The following RNF128 variants were observed in gnomAD, a reference collection of about 807,000 sequenced individuals.
The protein encoded by RNF128 is E3 ubiquitin-protein ligase RNF128.
Under a neutral mutation model 26.2 loss-of-function variants are expected in RNF128, and 13 were observed. The observed-to-expected ratio is 0.50, with a 90% confidence interval of 0.32 to 0.79. The LOEUF (loss-of-function observed/expected upper bound fraction) is 0.79. Ranked by LOEUF, RNF128 falls within the 30% of genes least tolerant of loss-of-function variation. RNF128 has a pLI of 0.03. For missense variants in RNF128, 315 were observed against 349.7 expected (o/e 0.90, Z 0.79); for synonymous variants, 149 against 142.5 (o/e 1.05, Z -0.32).
At position 106,773,083 on chromosome X, in the gene RNF128, A is replaced by G. The variant is rs761083830; in HGVS notation, c.655A>G (p.Thr219Ala). ...CGTTTCTGTGTCCTTTTTTATTATT[A>G]CGGCGGCAACTGTGGGCTATTTTAT... ...FFVSVSFFIITAATVGYFIFY... is the reference protein window; with the variant it reads ...FFVSVSFFIIAAATVGYFIFY... The change falls in exon 2 of 7, where the codon ACG (threonine) becomes GCG (alanine). Residue 219 changes from threonine (T) to alanine (A), a missense_variant. Thr to Ala is a moderately conservative substitution (Grantham distance 58). Coordinates refer to ENST00000255499, the MANE Select transcript of RNF128 (RefSeq NM_194463.2). 3 of 1,210,446 alleles carry G rather than the reference A, an allele frequency of 2.5e-6. No homozygotes were observed. Among genetic ancestry groups the G allele is most frequent in the South Asian group, 3.5e-5 (2 of 56,916 alleles).
intron 4 of RNF128, among the ~76,000 whole-genome samples, chrX:106,788,336 A>G (rs1318796105): frequency 3.7e-5 from 2 of 53,628 alleles, no homozygotes; most frequent in Non-Finnish European, 6.1e-5. Context: ...TATATATACT[A>G]TATATAATAT....
At chrX:106,746,146 T>C (rs1011825235) in intron 1 of RNF128, among the ~76,000 whole-genome samples, 2 of 111,197 alleles carry the variant, frequency 1.8e-5, no homozygotes, top group Non-Finnish European at 3.8e-5. Context: ...TTGGACAGTA[T>C]TGAATGTAGT....
chrX:106,741,203 C>CT (rs1569439578), intron 1 of RNF128, among the ~76,000 whole-genome samples: 1 of 111,686 alleles, frequency 9.0e-6, no homozygotes, highest in East Asian at 2.8e-4. Flanking sequence ...AATAGCATAT[C>CT]TTATTTTTTT....
At chrX:106,751,239 G>T (rs1929878923) in intron 1 of RNF128, among the ~76,000 whole-genome samples, 1 of 111,291 alleles carries the variant, frequency 9.0e-6, no homozygotes, top group Non-Finnish European at 1.9e-5. Flanking sequence ...CCCTGGTGGT[G>T]CAGCTTGGCA....
At chrX:106,694,288 G>A (rs1309154222) in exon 1 of RNF128, 1 of 1,210,671 alleles carries the variant, frequency 8.3e-7, no homozygotes, top group South Asian at 1.8e-5. Flanking sequence ...TGCGCTGATA[G>A]AAAGAGGTAA....
At chrX:106,767,628 G>A (rs1930277208) in intron 1 of RNF128, among the ~76,000 whole-genome samples, 1 of 111,595 alleles carries the variant, frequency 9.0e-6, no homozygotes, top group Non-Finnish European at 1.9e-5. Flanking sequence ...AGACGATGGG[G>A]TTTTCTAGAT....
At chrX:106,755,378 A>T (rs916318627) in intron 1 of RNF128, among the ~76,000 whole-genome samples, 5 of 111,443 alleles carry the variant, frequency 4.5e-5, no homozygotes, top group Non-Finnish European at 9.4e-5. Flanking sequence ...GAAAAAACGG[A>T]GCAGGAAGAA....
At chrX:106,768,026 T>C (rs967892852) in intron 1 of RNF128, among the ~76,000 whole-genome samples, 1 of 112,177 alleles carries the variant, frequency 8.9e-6, no homozygotes, top group Non-Finnish European at 1.9e-5. Context: ...TTTATTGATT[T>C]GCTTATGTTG....
intron 2 of RNF128, among the ~76,000 whole-genome samples, chrX:106,780,752 G>A (rs935561479): frequency 1.8e-5 from 2 of 112,213 alleles, no homozygotes; most frequent in Non-Finnish European, 3.8e-5. Flanking sequence ...AATGGAGGCA[G>A]TGTACAATAG....
rs1371701681 is a variant in RNF128, at chrX:106,749,032, G to A, written c.484+21635G>A. Among the ~76,000 whole-genome samples the A allele has an allele frequency of 9.9e-5, 11 of 111,353 alleles. No individual in the cohort carries two copies. In the Admixed American group the frequency reaches 1.1e-3, roughly 11 times the overall value. ...GATACATCAATTTTTAAAAAAGGAA[G>A]TGAATTTTTTTCTCAGGCAAAAGAT... On this transcript the variant is annotated intron_variant, in intron 1 of 6. Transcript: ENST00000255499.
chrX:106,793,204 G>T (rs977345077), intron 6 of RNF128, among the ~76,000 whole-genome samples: 1 of 110,431 alleles, frequency 9.1e-6, no homozygotes, highest in Non-Finnish European at 1.9e-5. Flanking sequence ...GATTCTACTA[G>T]TCCAGGGACC....
intron 1 of RNF128, 63 bp from the exon 2 acceptor site, chrX:106,772,850 C>T: frequency 1.9e-6 from 2 of 1,079,399 alleles, no homozygotes; most frequent in Admixed American, 5.5e-5. Context: ...ATCATTTTAG[C>T]AATTGGGTTA....
intron 1 of RNF128, among the ~76,000 whole-genome samples, chrX:106,742,815 A>G (rs1021682404): frequency 1.8e-5 from 2 of 111,178 alleles, no homozygotes; most frequent in African/African-American, 6.6e-5. Flanking sequence ...AGTTTCACTT[A>G]AGAATGCCCT....
chrX:106,739,316 T>C (rs771976769), intron 1 of RNF128, among the ~76,000 whole-genome samples: 76 of 110,670 alleles, frequency 6.9e-4, no homozygotes, highest in Non-Finnish European at 1.3e-3. Flanking sequence ...TGTGCTACCA[T>C]GTCCAGCTAA....
rs1376273898 is a variant in RNF128 at position 106,785,396 on chromosome X, G to T, written c.804+260G>T. On this transcript the variant is annotated intron_variant, in intron 3 of 6. Transcript: ENST00000255499. The stretch of plus-strand genomic sequence containing the variant: ...ATTAAGTTAAGGGTCATGAGATGGG[G>T]AGATTATCCTGGATTATCCAGATAG... Among the ~76,000 whole-genome samples the T allele has an allele frequency of 2.7e-5, 3 of 111,928 alleles. No homozygotes were observed. In the East Asian group the frequency reaches 8.4e-4, roughly 31 times the overall value.
At chrX:106,767,062 T>C (rs181645716) in intron 1 of RNF128, among the ~76,000 whole-genome samples, 19 of 111,605 alleles carry the variant, frequency 1.7e-4, no homozygotes, top group African/African-American at 5.9e-4. Flanking sequence ...TCTATTCTGT[T>C]CCATTGATCT....
intron 1 of RNF128, among the ~76,000 whole-genome samples, chrX:106,738,967 A>G (rs998022488): frequency 1.8e-5 from 2 of 111,405 alleles, no homozygotes; most frequent in Non-Finnish European, 3.8e-5. Context: ...TGCAAAAGAA[A>G]CCCTGTTTGA....
intron 1 of RNF128, among the ~76,000 whole-genome samples, chrX:106,740,626 G>T (rs976172613): frequency 9.0e-6 from 1 of 111,476 alleles, no homozygotes; most frequent in Non-Finnish European, 1.9e-5. Context: ...CTGGAGTGCA[G>T]TGGTGCAATC....
exon 1 of RNF128, chrX:106,694,193 T>C (rs1928834290): frequency 1.2e-5 from 15 of 1,207,521 alleles, no homozygotes; most frequent in African/African-American, 3.5e-5. Flanking sequence ...GCTAATGCTA[T>C]GGGAGTGGTA....
Sources: gnomAD v4.1 joint callset for allele counts (sites outside exome capture counted in the v4.1 genomes callset) on GRCh38, gnomAD v4.1.1 for gene constraint, MANE v1.5 for transcripts, NCBI Gene and HGNC (gene_info 2026-07-23, HGNC 2026-07-21) for gene names.